The following LTA4H variants were observed in gnomAD, a reference collection of about 807,000 sequenced individuals.
LTA4H encodes leukotriene A4 hydrolase.
In LTA4H, 59 loss-of-function variants were observed where a neutral mutation model predicts 89.8. That is an observed-to-expected ratio of 0.66 (90% CI 0.53 to 0.82). The LOEUF (loss-of-function observed/expected upper bound fraction) is 0.82, where lower values mean the gene tolerates loss of function less well. LTA4H is among the 40% of genes least tolerant of loss of function. The pLI, the probability that LTA4H is intolerant of heterozygous loss-of-function variation, is 0.00. For synonymous variants in LTA4H, 227 were observed against 253.1 expected (o/e 0.90, Z 0.98); for missense variants, 617 against 727.0 (o/e 0.85, Z 1.74).
Position 96,035,372 on chromosome 12 carries a change from G to A in LTA4H, c.148C>T (p.Leu50=), listed in dbSNP as rs1950628367. Residue 50 remains leucine (L), a synonymous_variant, in exon 1 of 19, where the codon CTG becomes TTG. Coordinates refer to ENST00000228740, the MANE Select transcript of LTA4H (RefSeq NM_000895.3). ...GCGCCCCACTGTACCAGGCTGCGCA[G>A]ATTGTCCTCCTGAGACTGGACCGTG... ...ALTVQSQEDN[L]RSLVLDTKDL... 1.2e-6 allele frequency: 2 copies of A among 1,609,572 alleles called. No individual in the cohort carries two copies. The highest frequency in any genetic ancestry group is 2.7e-5 in the African/African-American group (2 of 74,830).
chr12:96,020,804 CAG>C, intron 6 of LTA4H: 1 of 285,784 alleles, frequency 3.5e-6, no homozygotes, highest in African/African-American at 2.2e-5. Context: ...GATAAGGAAA[CAG>C]AGATTGAGAG....
chr12:96,041,988 T>G (rs1306745449), intron 1 of LTA4H, among the ~76,000 whole-genome samples: 54 of 25,042 alleles, frequency 2.2e-3, no homozygotes, highest in South Asian at 5.4e-3. Flanking sequence ...TTTTTTTTCT[T>G]TTTTTTTTTT....
intron 8 of LTA4H, 70 bp downstream of exon 8, chr12:96,018,693 T>G: frequency 8.7e-7 from 1 of 1,149,440 alleles, no homozygotes; most frequent in East Asian, 2.7e-5. Flanking sequence ...ATACATATTA[T>G]TAGGACTCCT....
intron 10 of LTA4H, among the ~76,000 whole-genome samples, chr12:96,016,500 A>T (rs1950377305): frequency 6.6e-6 from 1 of 151,540 alleles, no homozygotes; most frequent in South Asian, 2.1e-4. Context: ...AGTCTCAGCC[A>T]CTTTGGAGGC....
chr12:96,038,063 G>T (rs1192536425), upstream of LTA4H, among the ~76,000 whole-genome samples: 1 of 152,152 alleles, frequency 6.6e-6, no homozygotes. Flanking sequence ...ACAGGTGAAA[G>T]GGCTTCTGGA....
intron 1 of LTA4H, among the ~76,000 whole-genome samples, chr12:96,040,866 G>A (rs889917704): frequency 1.3e-5 from 2 of 152,220 alleles, no homozygotes; most frequent in African/African-American, 4.8e-5. Flanking sequence ...TTTTGCCCCA[G>A]ATACTTGCCC....
upstream of LTA4H, among the ~76,000 whole-genome samples, chr12:96,039,934 C>G (rs906686453): frequency 5.9e-5 from 9 of 152,190 alleles, no homozygotes; most frequent in Non-Finnish European, 7.3e-5. Flanking sequence ...ATAATTTATA[C>G]TCTAGTACCC....
chr12:96,025,148 A>T (rs1950499792), intron 3 of LTA4H, among the ~76,000 whole-genome samples: 1 of 152,106 alleles, frequency 6.6e-6, no homozygotes, highest in South Asian at 2.1e-4. Context: ...GAAACCTGAG[A>T]AAAAAGGGCT....
rs113007712 is a variant in LTA4H, at chr12:96,020,207, T to G, written c.638+878A>C. 7.4e-3 allele frequency among the ~76,000 whole-genome samples: 1,127 copies of G among 152,260 alleles called. 16 individuals are homozygous for G. Among genetic ancestry groups the G allele is most frequent in the African/African-American group, 0.026 (1,074 of 41,546 alleles). On this transcript the variant is annotated intron_variant, in intron 6 of 18. Transcript: ENST00000228740. ...GGCATGAGCCACAGAGCCCAGCCTG[T>G]AAGACTATTCTAGAACAGGAATGGG...
chr12:96,016,263 C>A lies in LTA4H; in HGVS notation c.948-569G>T, dbSNP rs570071018. Among the ~76,000 whole-genome samples the A allele has an allele frequency of 1.9e-4, 26 of 140,062 alleles. No individual in the cohort carries two copies. In the East Asian group the frequency reaches 5.0e-3, roughly 27 times the overall value. 91.9% of individuals were successfully genotyped at this position (140,062 alleles called of 152,430 possible). On this transcript the variant is annotated intron_variant, in intron 10 of 18. Transcript: ENST00000228740. The stretch of plus-strand genomic sequence containing the variant: ...GAGAGGCAGAGAGATCACACTACTG[C>A]ACACCAGCCTGGGCGACAGAGTGAG...
At chr12:96,011,429 T>A (rs1035577629) in intron 14 of LTA4H, 4 of 152,186 alleles carry the variant, frequency 2.6e-5, no homozygotes, top group African/African-American at 9.7e-5. Context: ...TAGTTTTCCA[T>A]TTATTTTGCT....
rs368237382 is a variant in LTA4H, at chr12:96,014,201, C to T, written c.1205-348G>A. On this transcript the variant is annotated intron_variant, in intron 12 of 18. Coordinates refer to ENST00000228740, the MANE Select transcript of LTA4H (RefSeq NM_000895.3). ...ATAAGACTGGACAGGCAGAATGGATCCAGGTGACAGACAGCCTTCCAAGTC... is the reference window on the plus strand; with the variant it reads ...ATAAGACTGGACAGGCAGAATGGATTCAGGTGACAGACAGCCTTCCAAGTC... 29 of 180,438 alleles carry T rather than the reference C, an allele frequency of 1.6e-4. 1 individual carries two copies. The South Asian group carries it at 3.9e-3, about 25-fold the overall frequency. The allele number at this position is 180,438 out of a possible 1,614,324, so 11.2% of individuals were successfully genotyped here.
chr12:96,031,005 G>A (rs565779366), intron 1 of LTA4H, among the ~76,000 whole-genome samples: 6 of 152,218 alleles, frequency 3.9e-5, no homozygotes, highest in African/African-American at 1.4e-4. Context: ...TTATATAGAT[G>A]AATTAACTGG....
chr12:96,026,264 A>G (rs1261639309), intron 3 of LTA4H, among the ~76,000 whole-genome samples: 2 of 152,246 alleles, frequency 1.3e-5, no homozygotes, highest in Non-Finnish European at 2.9e-5. Context: ...AACCCAGGCA[A>G]ATATGCATAC....
chr12:96,001,497 A>G (rs1050916456), intron 18 of LTA4H, among the ~76,000 whole-genome samples: 2 of 152,174 alleles, frequency 1.3e-5, no homozygotes, highest in Non-Finnish European at 2.9e-5. Context: ...ATTTGAACAG[A>G]GTCCTCTCAT....
intron 13 of LTA4H, 59 bp from the exon 14 acceptor site, chr12:96,013,317 T>C: frequency 9.1e-7 from 1 of 1,103,788 alleles, no homozygotes; most frequent in Admixed American, 1.7e-5. Flanking sequence ...CAAAAAAAAA[T>C]TTAAACTTGT....
At chr12:96,019,086 C>T in intron 7 of LTA4H, 82 bp downstream of exon 7, 2 of 1,350,002 alleles carry the variant, frequency 1.5e-6, no homozygotes, top group Non-Finnish European at 2.1e-6. Flanking sequence ...CCCCGTATCA[C>T]TTAAAACCAT....
At chr12:96,019,623 G>T (rs1188301552) in intron 6 of LTA4H, among the ~76,000 whole-genome samples, 2 of 124,094 alleles carry the variant, frequency 1.6e-5, no homozygotes, top group Non-Finnish European at 3.1e-5. Flanking sequence ...ACGGAGTCTC[G>T]CTCTGTCACC....
At chr12:96,027,370 C>G in intron 3 of LTA4H, 74 bp downstream of exon 3, 2 of 1,346,574 alleles carry the variant, frequency 1.5e-6, no homozygotes, top group Non-Finnish European at 2.0e-6. Context: ...CATAAAACCA[C>G]TGTTCATTTT....
Sources: allele counts gnomAD v4.1 joint callset (sites outside exome capture counted in the v4.1 genomes callset), GRCh38; gene constraint gnomAD v4.1.1; transcripts MANE v1.5; gene names NCBI Gene and HGNC (gene_info 2026-07-23, HGNC 2026-07-21).